The following PRKN variants were observed in gnomAD, a reference collection of about 807,000 sequenced individuals.
The protein encoded by PRKN is parkin RBR E3 ubiquitin protein ligase, also known as E3 ubiquitin-protein ligase parkin.
Under a neutral mutation model 59.5 loss-of-function variants are expected in PRKN, and 56 were observed. That is an observed-to-expected ratio of 0.94 (90% CI 0.76 to 1.18). The LOEUF (loss-of-function observed/expected upper bound fraction) is 1.18. Ranked by LOEUF, PRKN falls within the 50% of genes most tolerant of loss-of-function variation. The probability of loss-of-function intolerance (pLI) is 0.00; values close to 1 mark genes in which losing one functional copy is unlikely to be tolerated. For missense variants in PRKN, 657 were observed against 596.4 expected, an observed-to-expected ratio of 1.10 and a Z score of -1.06; for synonymous variants, 250 against 222.1, an observed-to-expected ratio of 1.13 and a Z score of -1.12.
rs75171137 is a variant in PRKN, at chr6:162,373,117, A to T, written c.171+70193T>A. ...ACATTTACCTACCACAACTAATGAG[A>T]CCTGAATAACTGGAACAGAATATTT... is the stretch of plus-strand genomic sequence containing the variant. On this transcript the variant is annotated intron_variant, in intron 2 of 11. Transcript: ENST00000366898. Among the ~76,000 whole-genome samples the T allele has an allele frequency of 3.3e-3, 493 of 151,524 alleles. 7 individuals are homozygous for T. Among genetic ancestry groups the T allele is most frequent in the East Asian group, 0.024 (125 of 5,178 alleles).
chr6:161,474,281 G>A (rs1398970221), intron 9 of PRKN, among the ~76,000 whole-genome samples: 1 of 152,172 alleles, frequency 6.6e-6, no homozygotes, highest in African/African-American at 2.4e-5. Flanking sequence ...CTCTTACCTT[G>A]TTGGCTACCC....
At chr6:162,609,683 C>A (rs1412699875) in intron 1 of PRKN, among the ~76,000 whole-genome samples, 8 of 152,128 alleles carry the variant, frequency 5.3e-5, no homozygotes, top group African/African-American at 1.2e-4. Flanking sequence ...TTACATTATT[C>A]TTTATGAAAA....
At chr6:162,205,094 C>A (rs9456753) in intron 3 of PRKN, among the ~76,000 whole-genome samples, 41,625 of 151,842 alleles carry the variant, frequency 0.27, 6,109 homozygotes, top group South Asian at 0.44. Context: ...ATCTCTTGAC[C>A]TCATGATCTG....
intron 4 of PRKN, among the ~76,000 whole-genome samples, chr6:162,143,881 T>C (rs543478418): frequency 3.3e-5 from 5 of 152,228 alleles, no homozygotes; most frequent in African/African-American, 1.2e-4. Context: ...GGGGAAAAAG[T>C]CACAGAGAGA....
intron 2 of PRKN, among the ~76,000 whole-genome samples, chr6:162,398,540 A>C (rs954735197): frequency 8.6e-5 from 13 of 151,974 alleles, no homozygotes; most frequent in African/African-American, 3.1e-4. Flanking sequence ...ACAGGCACCC[A>C]GCACCACACC....
chr6:161,511,600 G>A (rs1051193983), intron 9 of PRKN, among the ~76,000 whole-genome samples: 16 of 152,144 alleles, frequency 1.1e-4, no homozygotes, highest in African/African-American at 2.9e-4. Flanking sequence ...GACTGGACAC[G>A]TTAGGAATTA....
intron 6 of PRKN, among the ~76,000 whole-genome samples, chr6:161,925,414 A>G (rs978832467): frequency 2.6e-5 from 4 of 152,106 alleles, no homozygotes; most frequent in African/African-American, 4.8e-5. Context: ...TACTAAAAAT[A>G]CAAAAGATTA....
At chr6:161,364,966 C>T (rs137975078) in intron 10 of PRKN, among the ~76,000 whole-genome samples, 61 of 151,716 alleles carry the variant, frequency 4.0e-4, no homozygotes, top group African/African-American at 1.4e-3. Flanking sequence ...AACTAGATGC[C>T]GGACAAGAAT....
At chr6:161,583,796 A>G (rs1473799210) in intron 7 of PRKN, among the ~76,000 whole-genome samples, 1 of 152,206 alleles carries the variant, frequency 6.6e-6, no homozygotes, top group Non-Finnish European at 1.5e-5. Context: ...ACAGACATAC[A>G]TCATCGTTTT....
At chr6:162,568,536 C>G in intron 1 of PRKN, 1 of 757,158 alleles carries the variant, frequency 1.3e-6, no homozygotes, top group East Asian at 2.5e-5. Flanking sequence ...CCTCCTTAAC[C>G]TGGAGGTGGA....
intron 1 of PRKN, among the ~76,000 whole-genome samples, chr6:162,481,728 AT>A (rs1792320012): frequency 6.6e-6 from 1 of 152,108 alleles, no homozygotes; most frequent in Non-Finnish European, 1.5e-5. Flanking sequence ...TTTTTTTCAA[AT>A]GACGGCTGAT....
At chr6:161,828,493 C>A (rs1368663575) in intron 6 of PRKN, among the ~76,000 whole-genome samples, 1 of 152,138 alleles carries the variant, frequency 6.6e-6, no homozygotes, top group African/African-American at 2.4e-5. Context: ...GTGGGCCCCC[C>A]GACCTCACGC....
At chr6:161,892,018 T>C (rs956028800) in intron 6 of PRKN, among the ~76,000 whole-genome samples, 2 of 152,244 alleles carry the variant, frequency 1.3e-5, no homozygotes, top group Admixed American at 1.3e-4. Context: ...TGATGGACTC[T>C]CTGGGTGACC....
At chr6:162,167,876 A>G (rs1230434762) in intron 4 of PRKN, among the ~76,000 whole-genome samples, 2 of 152,194 alleles carry the variant, frequency 1.3e-5, no homozygotes, top group Non-Finnish European at 2.9e-5. Flanking sequence ...TTAATTTTCA[A>G]TGGTCTTGCC....
chr6:162,563,695 A>C (rs1378830652), intron 1 of PRKN, among the ~76,000 whole-genome samples: 3 of 152,240 alleles, frequency 2.0e-5, no homozygotes, highest in Non-Finnish European at 2.9e-5. Flanking sequence ...CCAATCCTGG[A>C]TAAATAGAGC....
chr6:162,014,601 AC>A (rs1782863522), intron 5 of PRKN, among the ~76,000 whole-genome samples: 1 of 152,184 alleles, frequency 6.6e-6, no homozygotes, highest in Non-Finnish European at 1.5e-5. Flanking sequence ...GGAAACAGGA[AC>A]GGAAGCGAGC....
intron 5 of PRKN, among the ~76,000 whole-genome samples, chr6:162,017,724 C>T (rs1782981326): frequency 6.6e-6 from 1 of 152,138 alleles, no homozygotes; most frequent in South Asian, 2.1e-4. Context: ...TTGGGAAAAT[C>T]ACATCCATCA....
At chr6:161,520,513 C>A (rs1778781686) in intron 9 of PRKN, among the ~76,000 whole-genome samples, 1 of 152,030 alleles carries the variant, frequency 6.6e-6, no homozygotes, top group Non-Finnish European at 1.5e-5. Context: ...CAGGAGTGAA[C>A]CCCTGTGCTC....
At chr6:161,914,253 A>G (rs1357156280) in intron 6 of PRKN, among the ~76,000 whole-genome samples, 1 of 152,206 alleles carries the variant, frequency 6.6e-6, no homozygotes, top group Non-Finnish European at 1.5e-5. Flanking sequence ...ATCTCTGAGG[A>G]TGTCTAGATA....
Sources: allele counts gnomAD v4.1 joint callset (sites outside exome capture counted in the v4.1 genomes callset), GRCh38; gene constraint gnomAD v4.1.1; transcripts MANE v1.5; gene names NCBI Gene and HGNC (gene_info 2026-07-23, HGNC 2026-07-21).